PCDHA6: variants seen among roughly 807,000 people sequenced by gnomAD.
PCDHA6 encodes the protein protocadherin alpha 6.
PCDHA6 carries 55 observed loss-of-function variants against 60.3 expected under a neutral mutation model. That is an observed-to-expected ratio of 0.91 (90% CI 0.73 to 1.14). The LOEUF is 1.14. PCDHA6 is among the 50% of genes most tolerant of loss of function. The pLI, the probability that PCDHA6 is intolerant of heterozygous loss-of-function variation, is 0.00. For synonymous variants in PCDHA6, 652 were observed against 557.9 expected (o/e 1.17, Z -2.38); for missense variants, 1,327 against 1,256.5 (o/e 1.06, Z -0.85).
chr5:140,921,213 G>T (rs759293646), intron 1 of PCDHA6, among the ~76,000 whole-genome samples: 1 of 151,496 alleles, frequency 6.6e-6, no homozygotes, highest in Admixed American at 6.6e-5. Flanking sequence ...GATAATTCAC[G>T]TCTTTTTTGC....
chr5:140,923,033 A>T (rs6895136), intron 1 of PCDHA6, among the ~76,000 whole-genome samples: 8,640 of 152,308 alleles, frequency 0.057, 727 homozygotes, highest in African/African-American at 0.19. Flanking sequence ...CTCTATTACT[A>T]CATGTATAGT....
At chr5:140,957,080 A>G (rs2095331610) in intron 1 of PCDHA6, among the ~76,000 whole-genome samples, 1 of 152,174 alleles carries the variant, frequency 6.6e-6, no homozygotes. Flanking sequence ...CTTTTTATTA[A>G]GGAAAATGAA....
rs2153793513 is a variant in PCDHA6, at chr5:140,972,346, C to T, written c.2395-6603C>T. Among the ~76,000 whole-genome samples, 6 of 151,468 alleles carry T rather than the reference C, an allele frequency of 4.0e-5. No homozygotes were observed. In the Middle Eastern group the frequency reaches 0.014, roughly 346 times the overall value. The stretch of plus-strand genomic sequence containing the variant: ...TTTTTTTTGGAAGAGATGGGGGTCT[C>T]ACTATGTTGCACATGCTGTTAGTAT... On this transcript the variant is annotated intron_variant, in intron 1 of 3. Transcript: ENST00000529310.
chr5:140,841,617 G>C, intron 1 of PCDHA6: 2 of 1,614,152 alleles, frequency 1.2e-6, no homozygotes, highest in Non-Finnish European at 1.7e-6. Flanking sequence ...TGCGGGCGGA[G>C]CGCGGAGTGC....
chr5:140,850,639 T>C (rs2150491929), intron 1 of PCDHA6: 1 of 1,598,684 alleles, frequency 6.3e-7, no homozygotes, highest in East Asian at 2.2e-5. Flanking sequence ...GTTCTCACGC[T>C]GCTGCTGTAC....
chr5:140,911,165 G>A (rs931843921), intron 1 of PCDHA6, among the ~76,000 whole-genome samples: 3 of 152,178 alleles, frequency 2.0e-5, no homozygotes, highest in Non-Finnish European at 4.4e-5. Context: ...AATGTGGAAA[G>A]GCTGATGGCA....
chr5:140,865,458 GA>G (rs1462092731), intron 1 of PCDHA6: 4 of 152,192 alleles, frequency 2.6e-5, no homozygotes, highest in African/African-American at 9.6e-5. Flanking sequence ...TGATTTCTAT[GA>G]AGATAAACAT....
chr5:140,875,009 G>A (rs1238943643), intron 1 of PCDHA6, among the ~76,000 whole-genome samples: 2 of 152,216 alleles, frequency 1.3e-5, no homozygotes, highest in Admixed American at 6.5e-5. Flanking sequence ...CCATGATAAA[G>A]TGTAGGTTCT....
At chr5:140,891,025 T>G (rs1554184622) in intron 1 of PCDHA6, among the ~76,000 whole-genome samples, 1 of 151,814 alleles carries the variant, frequency 6.6e-6, no homozygotes, top group African/African-American at 2.4e-5. Flanking sequence ...TCTGAGGGTA[T>G]AATCTTAGGT....
At chr5:140,871,103 C>A (rs202137231) in intron 1 of PCDHA6, 29 of 1,613,172 alleles carry the variant, frequency 1.8e-5, no homozygotes, top group South Asian at 1.2e-4. Context: ...GTGCTGGTGT[C>A]GTTGGTGGAG....
chr5:140,901,953 G>T (rs545807968), intron 1 of PCDHA6, among the ~76,000 whole-genome samples: 1 of 151,712 alleles, frequency 6.6e-6, no homozygotes, highest in African/African-American at 2.4e-5. Flanking sequence ...AGTTTTATTC[G>T]TGGCTATCGT....
rs2150156833 is a variant in PCDHA6 at position 140,828,565 on chromosome 5, C to T, written c.474C>T (p.Ser158=). 65 of 1,614,050 alleles carry T rather than the reference C, an allele frequency of 4.0e-5. No individual in the cohort carries two copies. Among genetic ancestry groups the T allele is most frequent in the Admixed American group, 6.7e-5 (4 of 60,004 alleles). ...CTGTGTTTCCACTGGAGGGCGCGTCCGATGCAGATGTTGGCTCAAATTCCA... is the reference window on the plus strand; with the variant it reads ...CTGTGTTTCCACTGGAGGGCGCGTCTGATGCAGATGTTGGCTCAAATTCCA... ...PDSVFPLEGA[S]DADVGSNSIL... Residue 158 remains serine, a synonymous_variant, in exon 1 of 4, where the codon TCC becomes TCT. Transcript: ENST00000529310.
At position 140,978,997 on chromosome 5, in the gene PCDHA6, G is replaced by C. The variant is rs782253140; in HGVS notation, c.2443G>C (p.Gly815Arg). The C allele has an allele frequency of 2.7e-5, 44 of 1,614,040 alleles. No individual in the cohort carries two copies. Among genetic ancestry groups the C allele is most frequent in the Non-Finnish European group, 3.6e-5 (43 of 1,180,028 alleles). ...GCGTTACTCTGCCTCCCTGAGAGCA[G>C]GCATGCACAGGTATGTATTTCCCTC... ...DWRYSASLRAGMHSSVHLEEA... is the reference protein window; with the variant it reads ...DWRYSASLRARMHSSVHLEEA... Residue 815 changes from glycine to arginine, a missense_variant, in exon 2 of 4, where the codon GGC becomes CGC. Transcript: ENST00000529310.
At chr5:140,850,545 G>C in intron 1 of PCDHA6, 1 of 1,598,382 alleles carries the variant, frequency 6.3e-7, no homozygotes, top group South Asian at 1.1e-5. Context: ...GCGGGCGTCA[G>C]TGGGTGCCAC....
chr5:141,002,157 GGGC>G (rs797024683), intron 3 of PCDHA6, among the ~76,000 whole-genome samples: 4 of 152,372 alleles, frequency 2.6e-5, no homozygotes, highest in African/African-American at 9.6e-5. Flanking sequence ...TTAGCAGAGT[GGGC>G]GGTAGGCAGG....
intron 1 of PCDHA6, chr5:140,882,201 CT>C: frequency 6.5e-7 from 1 of 1,528,460 alleles, no homozygotes; most frequent in South Asian, 1.3e-5. Context: ...AAAATTGGGC[CT>C]TGAGAGACAG....
At chr5:140,864,058 A>C (rs993804326) in intron 1 of PCDHA6, 3 of 152,692 alleles carry the variant, frequency 2.0e-5, no homozygotes, top group Non-Finnish European at 1.5e-5. Context: ...TACAGTCACC[A>C]TGAACATTCT....
At position 140,877,266 on chromosome 5, in the gene PCDHA6, C is replaced by A. The variant is rs2056980298; in HGVS notation, c.2394+46781C>A. The A allele has an allele frequency of 4.3e-6, 7 of 1,613,808 alleles. No individual in the cohort carries two copies. The South Asian group carries it at 5.5e-5, about 13-fold the overall frequency. ...TGGTGGCGAAAGTGCGCGCGGTGGA[C>A]GCTGACTCCGGCTATAACGCTTGGC... On this transcript the variant is annotated intron_variant, in intron 1 of 3. Transcript: ENST00000529310.
chr5:140,828,017 TA>T lies in PCDHA6; in HGVS notation c.-72del, dbSNP rs1483832628. 6 of 1,514,042 alleles carry T rather than the reference TA, an allele frequency of 4.0e-6. No individual in the cohort carries two copies. In the African/African-American group the frequency reaches 8.4e-5, roughly 21 times the overall value. 93.8% of individuals were successfully genotyped at this position (1,514,042 alleles called of 1,614,324 possible). A position where few individuals can be genotyped will look rare whatever the true frequency, so the allele number is the denominator to read the frequency against. ...GGCGGACGCAGAAGAAATGGATTAA[TA>T]AATTCCGGAACATACAGTATTTTAT... is the stretch of plus-strand genomic sequence containing the variant. On this transcript the variant is annotated 5_prime_UTR_variant, in exon 1 of 4. Transcript: ENST00000529310.
Sources: allele counts gnomAD v4.1 joint callset (sites outside exome capture counted in the v4.1 genomes callset), GRCh38; gene constraint gnomAD v4.1.1; transcripts MANE v1.5; gene names NCBI Gene and HGNC (gene_info 2026-07-23, HGNC 2026-07-21).